Variants in INPP4A observed in about 807,000 individuals in gnomAD.
INPP4A encodes the protein inositol polyphosphate-4-phosphatase type I A.
Under a neutral mutation model 119.8 loss-of-function variants are expected in INPP4A, and 33 were observed. That is an observed-to-expected ratio of 0.28 (90% CI 0.21 to 0.37). The LOEUF (loss-of-function observed/expected upper bound fraction) is 0.37, where lower values mean the gene tolerates loss of function less well. INPP4A is among the 10% of genes least tolerant of loss of function. The probability of loss-of-function intolerance (pLI) is 1.00; values close to 1 mark genes in which losing one functional copy is unlikely to be tolerated. For synonymous variants in INPP4A, 496 were observed against 500.7 expected, an observed-to-expected ratio of 0.99 and a Z score of 0.12; for missense variants, 956 against 1,289.9, an observed-to-expected ratio of 0.74 and a Z score of 3.97.
chr2:98,493,069 G>A (rs1681174896), intron 1 of INPP4A, among the ~76,000 whole-genome samples: 1 of 152,182 alleles, frequency 6.6e-6, no homozygotes, highest in South Asian at 2.1e-4. Context: ...TTGGCTGGTG[G>A]CGTCACATTT....
chr2:98,529,612 T>A (rs1349612209), intron 4 of INPP4A, among the ~76,000 whole-genome samples: 2 of 152,004 alleles, frequency 1.3e-5, no homozygotes, highest in Non-Finnish European at 2.9e-5. Flanking sequence ...GGTGGGCGCC[T>A]GTAGTCCCAG....
At chr2:98,578,732 C>T (rs1287163378) in intron 24 of INPP4A, among the ~76,000 whole-genome samples, 1 of 152,240 alleles carries the variant, frequency 6.6e-6, no homozygotes, top group African/African-American at 2.4e-5. Flanking sequence ...ATAACTTTTA[C>T]TCACATAAGG....
intron 1 of INPP4A, among the ~76,000 whole-genome samples, chr2:98,499,614 C>T (rs947610434): frequency 6.6e-6 from 1 of 152,214 alleles, no homozygotes; most frequent in African/African-American, 2.4e-5. Flanking sequence ...CCACACAGGG[C>T]AGGGCAGCTA....
chr2:98,493,229 G>A (rs1420673483), intron 1 of INPP4A, among the ~76,000 whole-genome samples: 1 of 151,960 alleles, frequency 6.6e-6, no homozygotes, highest in Non-Finnish European at 1.5e-5. Flanking sequence ...CCCTTTTTTT[G>A]GATGTTGGTT....
At chr2:98,465,006 T>C (rs980739938) in intron 1 of INPP4A, among the ~76,000 whole-genome samples, 1 of 152,236 alleles carries the variant, frequency 6.6e-6, no homozygotes, top group African/African-American at 2.4e-5. Context: ...TGTCAGGAAC[T>C]GTCCTTCACT....
intron 1 of INPP4A, among the ~76,000 whole-genome samples, chr2:98,449,389 A>G (rs1416218779): frequency 6.6e-6 from 1 of 152,184 alleles, no homozygotes; most frequent in East Asian, 1.9e-4. Context: ...TTCTTGCTTT[A>G]TTCAATAGAT....
chr2:98,555,841 C>T, intron 16 of INPP4A, 33 bp downstream of exon 16: 1 of 1,528,554 alleles, frequency 6.5e-7, no homozygotes, highest in Non-Finnish European at 8.8e-7. Flanking sequence ...CATATGCTGC[C>T]TCCATTTCAC....
At chr2:98,520,959 C>T (rs1055261853) in intron 4 of INPP4A, 7 of 450,888 alleles carry the variant, frequency 1.6e-5, no homozygotes, top group South Asian at 9.0e-5. Context: ...GCATGGGGCC[C>T]GCCCCCTTGG....
Position 98,544,022 on chromosome 2 carries a change from A to C in INPP4A, c.949+15A>C. On this transcript the variant is annotated intron_variant, in intron 11 of 24. Coordinates refer to ENST00000409851, the MANE Select transcript of INPP4A (RefSeq NM_001134225.2). ...TCAGTACAGAGGTGGGTGCACCCCCATGCTGTCACCACACACGCGTGCGCA... is the reference window on the plus strand; with the variant it reads ...TCAGTACAGAGGTGGGTGCACCCCCCTGCTGTCACCACACACGCGTGCGCA... The C allele has an allele frequency of 6.4e-7, 1 of 1,551,624 alleles. No homozygotes were observed. Among genetic ancestry groups the C allele is most frequent in the Non-Finnish European group, 8.7e-7 (1 of 1,146,976 alleles).
Position 98,576,996 on chromosome 2 carries a change from G to A in INPP4A, c.2639G>A (p.Arg880His), listed in dbSNP as rs1330981099. 4 of 1,611,202 alleles carry A rather than the reference G, an allele frequency of 2.5e-6. No homozygotes were observed. Among genetic ancestry groups the A allele is most frequent in the Non-Finnish European group, 3.4e-6 (4 of 1,177,792 alleles). ...DILWQAAEIC[R>H]RLNGVRFTSC... ...CCATGTTTCTGTTGGCAGATCTGCC[G>A]CCGCCTTAATGGGGTCCGGTTCACC... Residue 880 changes from arginine to histidine, a missense_variant, in exon 24 of 25, where the codon CGC (arginine) becomes CAC (histidine). By Grantham distance (29) the Arg-to-His change is conservative. This residue lies in a region of INPP4A where 304 missense variants were observed against 492.1 expected (regional missense o/e 0.62). Coordinates refer to ENST00000409851, the MANE Select transcript of INPP4A (RefSeq NM_001134225.2).
At chr2:98,466,906 C>A (rs1452166405) in intron 1 of INPP4A, among the ~76,000 whole-genome samples, 1 of 152,180 alleles carries the variant, frequency 6.6e-6, no homozygotes, top group Non-Finnish European at 1.5e-5. Context: ...TTTTCTTTTC[C>A]TCTTGGATGT....
chr2:98,476,189 G>A (rs543778360), intron 1 of INPP4A, among the ~76,000 whole-genome samples: 2 of 152,316 alleles, frequency 1.3e-5, no homozygotes, highest in African/African-American at 4.8e-5. Flanking sequence ...TAAAATTTGA[G>A]TTTCGATTGT....
chr2:98,588,842 G>A lies in INPP4A; in HGVS notation c.*1234G>A. 1 of 216,652 alleles carries A rather than the reference G, an allele frequency of 4.6e-6. No homozygotes were observed. 13.4% of individuals were successfully genotyped at this position (216,652 alleles called of 1,614,324 possible). On this transcript the variant is annotated 3_prime_UTR_variant, in exon 25 of 25. Transcript: ENST00000409851. ...TACGATGTTTACATGTTCTTGAAAA[G>A]GTTGTAAAAGAAATACATATGGCAC...
At chr2:98,575,760 A>G (rs1310200818) in intron 23 of INPP4A, among the ~76,000 whole-genome samples, 1 of 152,152 alleles carries the variant, frequency 6.6e-6, no homozygotes, top group African/African-American at 2.4e-5. Flanking sequence ...TGAGACACTG[A>G]TATTTTTCTG....
chr2:98,509,413 TCTAA>T (rs1684711482), intron 1 of INPP4A, among the ~76,000 whole-genome samples: 1 of 152,218 alleles, frequency 6.6e-6, no homozygotes, highest in Non-Finnish European at 1.5e-5. Flanking sequence ...CTTATGAGAA[TCTAA>T]CTAATGCCTG....
intron 1 of INPP4A, among the ~76,000 whole-genome samples, chr2:98,453,415 A>T (rs924746884): frequency 3.9e-5 from 6 of 152,236 alleles, no homozygotes; most frequent in Non-Finnish European, 8.8e-5. Context: ...TACGTTTCCT[A>T]TGGGAAGGAT....
At chr2:98,484,264 C>T (rs747290103) in intron 1 of INPP4A, among the ~76,000 whole-genome samples, 6 of 152,150 alleles carry the variant, frequency 3.9e-5, no homozygotes, top group Non-Finnish European at 8.8e-5. Flanking sequence ...TGGTCATTCC[C>T]GAGGCTGCCC....
At chr2:98,457,123 G>A (rs1442857532) in intron 1 of INPP4A, among the ~76,000 whole-genome samples, 2 of 152,178 alleles carry the variant, frequency 1.3e-5, no homozygotes, top group Non-Finnish European at 2.9e-5. Context: ...TCTCATTGGG[G>A]ATTTGACTGT....
chr2:98,462,543 T>G (rs1673796554), intron 1 of INPP4A, among the ~76,000 whole-genome samples: 3 of 151,958 alleles, frequency 2.0e-5, no homozygotes, highest in Non-Finnish European at 4.4e-5. Flanking sequence ...GTTTTTTTTT[T>G]GAGACAGGGT....
Sources: gnomAD v4.1 joint callset for allele counts (sites outside exome capture counted in the v4.1 genomes callset) on GRCh38, gnomAD v4.1.1 for gene constraint, gnomAD v4.1.1 regional missense constraint, MANE v1.5 for transcripts, NCBI Gene and HGNC (gene_info 2026-07-23, HGNC 2026-07-21) for gene names.